The following DPP6 variants were observed in gnomAD, a reference collection of about 807,000 sequenced individuals.
DPP6 encodes the protein A-type potassium channel modulatory protein DPP6.
Under a neutral mutation model 122.6 loss-of-function variants are expected in DPP6, and 69 were observed. That is an observed-to-expected ratio of 0.56 (90% CI 0.46 to 0.69). DPP6 has a LOEUF of 0.69. Among genes scored for constraint, DPP6 ranks in the 30% least tolerant of loss-of-function variants. The pLI, the probability that DPP6 is intolerant of heterozygous loss-of-function variation, is 0.00. For missense variants in DPP6, 928 were observed against 1,116.9 expected (o/e 0.83, Z 2.41); for synonymous variants, 418 against 433.1 (o/e 0.97, Z 0.43).
the DPP6 span, among the ~76,000 whole-genome samples, chr7:153,811,760 C>T: frequency 2.6e-5 from 4 of 152,168 alleles, no homozygotes; most frequent in African/African-American, 9.7e-5. Flanking sequence ...TAGATGAAGA[C>T]CATTTTGAGG....
At chr7:154,750,730 G>A (rs1039446532) in intron 8 of DPP6, among the ~76,000 whole-genome samples, 1 of 152,348 alleles carries the variant, frequency 6.6e-6, no homozygotes, top group African/African-American at 2.4e-5. Context: ...GGGAAGGAGA[G>A]AAGCCGCTGC....
intron 16 of DPP6, among the ~76,000 whole-genome samples, chr7:154,837,251 T>TCACACATGCA (rs75432715): frequency 0.016 from 2,408 of 148,298 alleles, 62 homozygotes; most frequent in African/African-American, 0.057. Flanking sequence ...TAAGGCACAT[T>TCACACATGCA]CACACATGCA....
At chr7:153,887,733 T>C in exon 1 of DPP6, 1 of 1,613,670 alleles carries the variant, frequency 6.2e-7, no homozygotes, top group Non-Finnish European at 8.5e-7. Flanking sequence ...GGGAACGTGA[T>C]GGTGAGTGCC....
At chr7:153,937,856 C>G (rs1801528208) in intron 1 of DPP6, among the ~76,000 whole-genome samples, 1 of 152,174 alleles carries the variant, frequency 6.6e-6, no homozygotes, top group Admixed American at 6.5e-5. Context: ...GGAGCTGCCC[C>G]TCAGAGTGGC....
At position 154,634,855 on chromosome 7, in the gene DPP6, T is replaced by G. The variant is rs187016475; in HGVS notation, c.628-2966T>G. 3.2e-3 allele frequency among the ~76,000 whole-genome samples: 481 copies of G among 152,344 alleles called. 1 individual carries two copies. The highest frequency in any genetic ancestry group is 4.7e-3 in the Non-Finnish European group (319 of 68,034). ...GTATATTCAAAGATGAATGTAAAGA[T>G]GTAACTCTAGGTGTTTGTTTTGGGG... On this transcript the variant is annotated intron_variant, in intron 5 of 25. Coordinates refer to ENST00000377770, the MANE Select transcript of DPP6 (RefSeq NM_130797.4).
intron 1 of DPP6, among the ~76,000 whole-genome samples, chr7:154,239,884 G>A (rs145417362): frequency 6.6e-6 from 1 of 150,430 alleles, no homozygotes; most frequent in Non-Finnish European, 1.5e-5. Context: ...CCTAGCTACT[G>A]AGGTGGCTGA....
intron 3 of DPP6, among the ~76,000 whole-genome samples, chr7:154,524,294 G>T (rs1488280079): frequency 6.6e-6 from 1 of 152,106 alleles, no homozygotes; most frequent in African/African-American, 2.4e-5. Context: ...TATTCTTTTG[G>T]TGTTTGGATT....
At chr7:153,874,912 GTAAT>G in the DPP6 span, among the ~76,000 whole-genome samples, 1 of 152,180 alleles carries the variant, frequency 6.6e-6, no homozygotes, top group South Asian at 2.1e-4. Flanking sequence ...TAGTATAGGT[GTAAT>G]TAAAGTTGCA....
chr7:154,042,236 T>C lies in DPP6; in HGVS notation c.51+154502T>C, dbSNP rs186037081. Among the ~76,000 whole-genome samples, 241 of 152,274 alleles carry C rather than the reference T, an allele frequency of 1.6e-3. 2 individuals carry two copies. Among genetic ancestry groups the C allele is most frequent in the African/African-American group, 5.4e-3 (226 of 41,558 alleles). On this transcript the variant is annotated intron_variant, in intron 1 of 25. Coordinates refer to the DPP6 transcript ENST00000404039. The stretch of plus-strand genomic sequence containing the variant: ...TTTGCCACAGCCTCCCAGAAAACTT[T>C]TTATTTCTGCTTCATCAAGCGGACA...
At chr7:154,301,952 G>C (rs1266014932) in intron 1 of DPP6, among the ~76,000 whole-genome samples, 1 of 152,028 alleles carries the variant, frequency 6.6e-6, no homozygotes, top group Non-Finnish European at 1.5e-5. Context: ...CGAGCAGCTA[G>C]GACTACAGGA....
intron 1 of DPP6, among the ~76,000 whole-genome samples, chr7:153,949,995 T>C (rs1802132568): frequency 6.6e-6 from 1 of 152,186 alleles, no homozygotes; most frequent in Admixed American, 6.5e-5. Context: ...TTTTCCTAGC[T>C]TGAGTCAGCA....
intron 3 of DPP6, among the ~76,000 whole-genome samples, chr7:154,528,321 G>A (rs998041843): frequency 1.3e-5 from 2 of 152,122 alleles, no homozygotes; most frequent in African/African-American, 4.8e-5. Flanking sequence ...ACATCTTATT[G>A]CTTTGCAATT....
chr7:153,835,457 T>A, the DPP6 span, among the ~76,000 whole-genome samples: 1 of 152,200 alleles, frequency 6.6e-6, no homozygotes, highest in Non-Finnish European at 1.5e-5. Flanking sequence ...AGCCTCCTTT[T>A]ACCACCTTGG....
intron 1 of DPP6, among the ~76,000 whole-genome samples, chr7:153,895,099 T>A (rs1364222169): frequency 6.6e-6 from 1 of 152,198 alleles, no homozygotes; most frequent in African/African-American, 2.4e-5. Flanking sequence ...AAAACAAGAA[T>A]CTTTAAAGAA....
chr7:154,631,738 T>G (rs1431577775), intron 5 of DPP6, among the ~76,000 whole-genome samples: 9 of 152,140 alleles, frequency 5.9e-5, no homozygotes, highest in African/African-American at 1.9e-4. Context: ...TTTTGTTTGT[T>G]TGTTTGTTTT....
the DPP6 span, among the ~76,000 whole-genome samples, chr7:153,874,370 A>G: frequency 1.3e-5 from 2 of 152,082 alleles, no homozygotes; most frequent in East Asian, 3.8e-4. Context: ...TAAAATACAG[A>G]GTTATTATTA....
In DPP6 at chr7:154,875,763, A is replaced by T; in HGVS notation, c.1884-143A>T. 8.0e-7 allele frequency: 1 copy of T among 1,255,488 alleles called. No individual in the cohort carries two copies. Among genetic ancestry groups the T allele is most frequent in the Non-Finnish European group, 1.1e-6 (1 of 927,596 alleles). 77.8% of individuals were successfully genotyped at this position (1,255,488 alleles called of 1,614,324 possible). A position where few individuals can be genotyped will look rare whatever the true frequency, so the allele number is the denominator to read the frequency against. On this transcript the variant is annotated intron_variant, in intron 19 of 25. Coordinates refer to ENST00000377770, the MANE Select transcript of DPP6 (RefSeq NM_130797.4). This position sits in a 1 kb window ranked among gnomAD's most constrained non-coding sequence, Gnocchi z 4.5. ...ACACCTGGCTCACCTGCCCGGGGCA[A>T]CAGAATCTGGGGTATGGAGTTGAGC... is the stretch of plus-strand genomic sequence containing the variant.
chr7:154,453,365 G>A (rs1820555543), intron 2 of DPP6, among the ~76,000 whole-genome samples: 1 of 152,124 alleles, frequency 6.6e-6, no homozygotes, highest in African/African-American at 2.4e-5. Context: ...AGTCTTTTGG[G>A]TAGAAACGTA....
chr7:153,843,024 GCACA>G, the DPP6 span, among the ~76,000 whole-genome samples: 5 of 151,914 alleles, frequency 3.3e-5, no homozygotes, highest in Admixed American at 6.6e-5. Context: ...ACACAAGCAT[GCACA>G]CACACACATG....
Sources: allele counts gnomAD v4.1 joint callset (sites outside exome capture counted in the v4.1 genomes callset), GRCh38; gene constraint gnomAD v4.1.1; non-coding constraint Gnocchi (gnomAD v3.1); transcripts MANE v1.5; gene names NCBI Gene and HGNC (gene_info 2026-07-23, HGNC 2026-07-21).